Variants in PTPRD observed in about 807,000 individuals in gnomAD.
The protein encoded by PTPRD is receptor-type tyrosine-protein phosphatase delta.
A neutral mutation model predicts 214.5 loss-of-function variants in PTPRD; 34 were observed. That is an observed-to-expected ratio of 0.16 (90% confidence interval 0.12 to 0.21). The LOEUF (loss-of-function observed/expected upper bound fraction) is 0.21, where lower values mean the gene tolerates loss of function less well. PTPRD is among the 10% of genes least tolerant of loss of function. PTPRD has a pLI of 1.00. For synonymous variants in PTPRD, 1,128 were observed against 845.7 expected, an observed-to-expected ratio of 1.33 and a Z score of -5.79; for missense variants, 2,545 against 2,398.7, an observed-to-expected ratio of 1.06 and a Z score of -1.27.
At chr9:8,930,656 A>G (rs1381401127) in intron 11 of PTPRD, among the ~76,000 whole-genome samples, 1 of 152,168 alleles carries the variant, frequency 6.6e-6, no homozygotes, top group Non-Finnish European at 1.5e-5. Flanking sequence ...TCACCATTCT[A>G]ACTGGTGTGA....
chr9:9,912,430 G>A (rs1423790154), intron 5 of PTPRD, among the ~76,000 whole-genome samples: 1 of 152,012 alleles, frequency 6.6e-6, no homozygotes, highest in Non-Finnish European at 1.5e-5. Flanking sequence ...TATTTCTCTG[G>A]GGTTATCTTG....
chr9:9,024,970 G>A (rs1462618324), intron 10 of PTPRD, among the ~76,000 whole-genome samples: 1 of 151,882 alleles, frequency 6.6e-6, no homozygotes, highest in African/African-American at 2.4e-5. Flanking sequence ...ATAAATTTAA[G>A]TAAAGTTTTA....
At chr9:8,528,502 A>G (rs762457901) in intron 15 of PTPRD, 89 bp downstream of exon 15, 2 of 1,197,952 alleles carry the variant, frequency 1.7e-6, no homozygotes, top group Non-Finnish European at 2.4e-6. Context: ...CCTAGAAATA[A>G]AAAATAAATT....
intron 4 of PTPRD, among the ~76,000 whole-genome samples, chr9:9,962,040 A>G (rs1008446023): frequency 1.3e-5 from 2 of 152,164 alleles, no homozygotes; most frequent in African/African-American, 4.8e-5. Flanking sequence ...AAATAATCCC[A>G]TAGAAACAAG....
chr9:10,516,948 G>C (rs1167193530), intron 2 of PTPRD, among the ~76,000 whole-genome samples: 1 of 151,652 alleles, frequency 6.6e-6, no homozygotes, highest in Non-Finnish European at 1.5e-5. Context: ...CTTTATGTTT[G>C]TACCATACTG....
At chr9:9,150,926 T>C (rs1040124026) in intron 10 of PTPRD, among the ~76,000 whole-genome samples, 20 of 152,194 alleles carry the variant, frequency 1.3e-4, no homozygotes, top group African/African-American at 4.8e-4. Context: ...GATACTTTAG[T>C]GGAAGAAAAG....
At chr9:9,851,370 A>G (rs147602279) in intron 5 of PTPRD, among the ~76,000 whole-genome samples, 1,715 of 152,294 alleles carry the variant, frequency 0.011, 14 homozygotes, top group Non-Finnish European at 0.018. Flanking sequence ...AATAACTGTT[A>G]TATCTGTTCC....
At chr9:9,608,500 C>A (rs915104849) in intron 7 of PTPRD, among the ~76,000 whole-genome samples, 1 of 152,032 alleles carries the variant, frequency 6.6e-6, no homozygotes, top group African/African-American at 2.4e-5. Context: ...ATAAAGTAAC[C>A]AATGGTCCTT....
At chr9:9,304,401 G>A (rs1440183259) in intron 9 of PTPRD, among the ~76,000 whole-genome samples, 12 of 152,044 alleles carry the variant, frequency 7.9e-5, no homozygotes, top group Non-Finnish European at 5.9e-5. Context: ...TGTTTCCTTA[G>A]AGTTCTTTTT....
intron 39 of PTPRD, among the ~76,000 whole-genome samples, chr9:8,350,757 TCTAA>T (rs144215346): frequency 0.067 from 10,207 of 152,002 alleles, 438 homozygotes; most frequent in Middle Eastern, 0.11. Flanking sequence ...TATTCAGCTG[TCTAA>T]CTTTTATATA....
chr9:10,560,086 T>C (rs953999486), intron 2 of PTPRD, among the ~76,000 whole-genome samples: 6 of 152,140 alleles, frequency 3.9e-5, no homozygotes, highest in Admixed American at 1.3e-4. Context: ...ATAAATCATG[T>C]TGCTATAAAA....
chr9:10,469,019 T>C (rs187914325), intron 2 of PTPRD, among the ~76,000 whole-genome samples: 233 of 152,166 alleles, frequency 1.5e-3, no homozygotes, highest in Non-Finnish European at 2.0e-3. Context: ...AAACCTATAG[T>C]AAATAACACA....
intron 9 of PTPRD, among the ~76,000 whole-genome samples, chr9:9,270,136 T>C (rs1942222802): frequency 6.6e-6 from 1 of 151,142 alleles, no homozygotes; most frequent in African/African-American, 2.4e-5. Flanking sequence ...TTAGGTAGCT[T>C]AATTGTGGTC....
intron 3 of PTPRD, among the ~76,000 whole-genome samples, chr9:10,112,480 A>G (rs1308410123): frequency 6.6e-6 from 1 of 152,050 alleles, no homozygotes; most frequent in East Asian, 1.9e-4. Context: ...TTTTAAAAAT[A>G]TAAGTAAATG....
chr9:9,331,765 T>A (rs767264954), intron 9 of PTPRD, among the ~76,000 whole-genome samples: 3 of 151,958 alleles, frequency 2.0e-5, no homozygotes, highest in Admixed American at 6.6e-5. Context: ...TCAAATCATC[T>A]CAAATAAATA....
chr9:9,176,071 T>C (rs1159994964), intron 10 of PTPRD, among the ~76,000 whole-genome samples: 1 of 152,164 alleles, frequency 6.6e-6, no homozygotes, highest in African/African-American at 2.4e-5. Context: ...CAATCTCACA[T>C]TGCTACTCTT....
At chr9:8,713,427 C>T (rs750642199) in intron 12 of PTPRD, 7 of 1,091,498 alleles carry the variant, frequency 6.4e-6, no homozygotes, top group Admixed American at 3.4e-5. Flanking sequence ...ATCGTGTCGT[C>T]GCCAAGTCCC....
intron 23 of PTPRD, among the ~76,000 whole-genome samples, chr9:8,503,511 C>T (rs947243653): frequency 3.3e-5 from 5 of 152,128 alleles, no homozygotes; most frequent in African/African-American, 1.2e-4. Flanking sequence ...AGCCACCAAA[C>T]TTTCCACCAA....
intron 8 of PTPRD, among the ~76,000 whole-genome samples, chr9:9,467,467 G>C (rs1157010593): frequency 6.6e-6 from 1 of 150,688 alleles, no homozygotes; most frequent in Non-Finnish European, 1.5e-5. Flanking sequence ...GGCACCTGTA[G>C]TCCCAGCTAC....
Sources: allele counts gnomAD v4.1 joint callset (sites outside exome capture counted in the v4.1 genomes callset), GRCh38; gene constraint gnomAD v4.1.1; transcripts MANE v1.5; gene names NCBI Gene and HGNC (gene_info 2026-07-23, HGNC 2026-07-21).